Variants in IL12RB2 observed in about 807,000 individuals in gnomAD.
IL12RB2 encodes interleukin 12 receptor subunit beta 2, also known as interleukin-12 receptor subunit beta-2.
IL12RB2 carries 82 observed loss-of-function variants against 89.4 expected under a neutral mutation model. The observed-to-expected ratio is 0.92, with a 90% confidence interval of 0.77 to 1.10. IL12RB2 has a LOEUF of 1.10. Ranked by LOEUF, IL12RB2 falls within the 50% of genes least tolerant of loss-of-function variation. IL12RB2 has a pLI of 0.00. For synonymous variants in IL12RB2, 368 were observed against 370.1 expected (o/e 0.99, Z 0.07); for missense variants, 963 against 1,031.9 (o/e 0.93, Z 0.92).
intron 13 of IL12RB2, among the ~76,000 whole-genome samples, chr1:67,374,244 T>C (rs911350009): frequency 9.2e-5 from 14 of 152,208 alleles, no homozygotes; most frequent in African/African-American, 2.9e-4. Context: ...TATGGTCATT[T>C]GTTGAACAAA....
intron 10 of IL12RB2, among the ~76,000 whole-genome samples, chr1:67,364,879 A>C (rs1662506728): frequency 6.6e-6 from 1 of 152,236 alleles, no homozygotes; most frequent in African/African-American, 2.4e-5. Flanking sequence ...CTCATATGGA[A>C]CATTCACCAA....
rs776046469 is a variant in IL12RB2 at position 67,329,718 on chromosome 1, C to A, written c.796C>A (p.Leu266Ile). 1.2e-6 allele frequency: 2 copies of A among 1,605,868 alleles called. No individual in the cohort carries two copies. Among genetic ancestry groups the A allele is most frequent in the Non-Finnish European group, 1.7e-6 (2 of 1,172,678 alleles). ...RLRYRPSNSRLWNMVNVTKAK... is the reference protein window; with the variant it reads ...RLRYRPSNSRIWNMVNVTKAK... ...CAGATATCGGCCCAGTAACAGCAGG[C>A]TCTGGAATATGGTAATTATCTTTAG... The change falls in exon 7 of 17, where the codon CTC (leucine) becomes ATC (isoleucine). Residue 266 changes from leucine to isoleucine, a missense_variant. Transcript: ENST00000674203.
At chr1:67,319,081 A>C (rs1656161750) in intron 2 of IL12RB2, among the ~76,000 whole-genome samples, 1 of 152,232 alleles carries the variant, frequency 6.6e-6, no homozygotes, top group Admixed American at 6.5e-5. Context: ...TGTCTCTAGC[A>C]CTTAGTGTGC....
chr1:67,370,480 T>C (rs1267396599), intron 11 of IL12RB2, among the ~76,000 whole-genome samples: 1 of 152,194 alleles, frequency 6.6e-6, no homozygotes, highest in East Asian at 1.9e-4. Context: ...TTCTTCCTCG[T>C]TACTGGTCAT....
chr1:67,388,252 T>C (rs182954151), intron 15 of IL12RB2, among the ~76,000 whole-genome samples: 5 of 152,300 alleles, frequency 3.3e-5, no homozygotes, highest in Non-Finnish European at 5.9e-5. Flanking sequence ...TGCATTGTCG[T>C]CCTAGTAAAT....
chr1:67,394,442 G>T (rs1666152509), intron 16 of IL12RB2, among the ~76,000 whole-genome samples: 1 of 152,126 alleles, frequency 6.6e-6, no homozygotes, highest in African/African-American at 2.4e-5. Context: ...ACATTGAAGA[G>T]CTGGTCACCG....
At chr1:67,340,671 G>C (rs12145984) in intron 9 of IL12RB2, among the ~76,000 whole-genome samples, 15,336 of 152,296 alleles carry the variant, frequency 0.1, 1,062 homozygotes, top group Middle Eastern at 0.15. Flanking sequence ...CTCCATGCCT[G>C]CGTGCTTTTC....
rs2307149 is a variant in IL12RB2, at chr1:67,329,767, A to T, written c.807+38A>T. 4.7e-3 allele frequency: 6,557 copies of T among 1,390,442 alleles called. 198 individuals carry two copies. The African/African-American group carries it at 0.077, about 16-fold the overall frequency. The allele number at this position is 1,390,442 out of a possible 1,614,324, so 86.1% of individuals were successfully genotyped here. ...AGAGTGAAGGAAAAAACACTGAAGCATTCTTAATATTGCTGCGCAGACCTC... is the reference window on the plus strand; with the variant it reads ...AGAGTGAAGGAAAAAACACTGAAGCTTTCTTAATATTGCTGCGCAGACCTC... On this transcript the variant is annotated intron_variant, in intron 7 of 16. Transcript: ENST00000674203.
chr1:67,372,642 C>T lies in IL12RB2; in HGVS notation c.1576C>T (p.His526Tyr), dbSNP rs1219112299. The T allele has an allele frequency of 6.2e-6, 10 of 1,613,756 alleles. No homozygotes were observed. The highest frequency in any genetic ancestry group is 7.6e-6 in the Non-Finnish European group (9 of 1,179,680). The change falls in exon 13 of 17, where the codon CAC (histidine) becomes TAC (tyrosine). Residue 526 changes from histidine (H) to tyrosine (Y), a missense_variant. Physicochemically the swap from His to Tyr is moderately conservative, Grantham distance 83 (BLOSUM62 2). Transcript: ENST00000674203. ...CTTTACAGCACCACTGAGTGGCCCCCACATTAATGCCATCACAGAGGAAAA... is the reference window on the plus strand; with the variant it reads ...CTTTACAGCACCACTGAGTGGCCCCTACATTAATGCCATCACAGAGGAAAA... Reference protein sequence around the residue: ...SKHKAPLSGPHINAITEEKGS... With the variant: ...SKHKAPLSGPYINAITEEKGS...
chr1:67,367,740 G>A (rs574073344), intron 10 of IL12RB2, 85 bp from the exon 11 acceptor site: 1 of 820,958 alleles, frequency 1.2e-6, no homozygotes, highest in South Asian at 1.3e-5. Context: ...TTTTCGTTGG[G>A]ATAAGCTGTT....
intron 10 of IL12RB2, among the ~76,000 whole-genome samples, chr1:67,351,562 T>C (rs1252764998): frequency 2.6e-5 from 4 of 152,092 alleles, no homozygotes; most frequent in Non-Finnish European, 5.9e-5. Context: ...CTTAGGAATA[T>C]GAGATGGGAG....
chr1:67,334,001 G>C (rs947213261), intron 8 of IL12RB2, among the ~76,000 whole-genome samples: 1 of 152,188 alleles, frequency 6.6e-6, no homozygotes, highest in Non-Finnish European at 1.5e-5. Context: ...ATCGTTGCAT[G>C]TTCATTCGTA....
intron 14 of IL12RB2, among the ~76,000 whole-genome samples, chr1:67,385,642 G>A (rs551527991): frequency 3.9e-5 from 6 of 152,200 alleles, no homozygotes; most frequent in East Asian, 1.9e-4. Context: ...ACTACTCAGC[G>A]AGTGCTGGAT....
intron 10 of IL12RB2, among the ~76,000 whole-genome samples, chr1:67,359,881 A>G (rs1237451274): frequency 6.6e-6 from 1 of 152,000 alleles, no homozygotes; most frequent in South Asian, 2.1e-4. Flanking sequence ...ATGGCAAGCC[A>G]CTGCCCCGAA....
At chr1:67,370,852 A>T (rs1663224822) in intron 11 of IL12RB2, among the ~76,000 whole-genome samples, 1 of 152,236 alleles carries the variant, frequency 6.6e-6, no homozygotes, top group Non-Finnish European at 1.5e-5. Context: ...TGAATTACAG[A>T]ACCACATTGT....
chr1:67,338,336 C>CAAAAAAAAAAAAAAAAAAAAAAAAA (rs572505092), intron 8 of IL12RB2, among the ~76,000 whole-genome samples: 2 of 40,102 alleles, frequency 5.0e-5, no homozygotes, highest in Non-Finnish European at 1.1e-4. Context: ...GATCCTGTCT[C>CAAAAAAAAAAAAAAAAAAAAAAAAA]AAAAAAAAAA....
chr1:67,344,604 T>G (rs1660012865), intron 9 of IL12RB2, among the ~76,000 whole-genome samples: 1 of 152,202 alleles, frequency 6.6e-6, no homozygotes, highest in Non-Finnish European at 1.5e-5. Flanking sequence ...AATAATACAT[T>G]TTATCTAACC....
intron 6 of IL12RB2, 67 bp from the exon 7 acceptor site, chr1:67,329,520 C>G (rs1233320832): frequency 1.1e-6 from 1 of 916,728 alleles, no homozygotes; most frequent in East Asian, 2.4e-5. Context: ...ATAGCTCATG[C>G]CAGTACATAA....
chr1:67,338,637 G>GTTA lies in IL12RB2; in HGVS notation c.973_975dup (p.Leu325dup), dbSNP rs578200723. ...CCTTTGAAACAGAGCCTACTGGGAT[G>GTTA]TTAGATGTCTGGTACATGAAACGGC... On this transcript the variant is annotated inframe_insertion, in exon 9 of 17. Coordinates refer to ENST00000674203, the MANE Select transcript of IL12RB2 (RefSeq NM_001374259.2). 1.2e-3 allele frequency: 1,821 copies of GTTA among 1,498,902 alleles called. 1 individual carries two copies. Among genetic ancestry groups the GTTA allele is most frequent in the Non-Finnish European group, 1.5e-3 (1,657 of 1,074,616 alleles). The allele number at this position is 1,498,902 out of a possible 1,614,324, so 92.9% of individuals were successfully genotyped here.
Sources: allele counts gnomAD v4.1 joint callset (sites outside exome capture counted in the v4.1 genomes callset), GRCh38; gene constraint gnomAD v4.1.1; transcripts MANE v1.5; gene names NCBI Gene and HGNC (gene_info 2026-07-23, HGNC 2026-07-21).